Variants in KCNK2 observed in about 807,000 individuals in gnomAD.
The protein encoded by KCNK2 is potassium two pore domain channel subfamily K member 2.
In KCNK2, 21 loss-of-function variants were observed where a neutral mutation model predicts 40.5. The observed-to-expected ratio is 0.52, with a 90% CI of 0.37 to 0.75. The LOEUF (loss-of-function observed/expected upper bound fraction) is 0.75, where lower values mean the gene tolerates loss of function less well. KCNK2 is among the 30% of genes least tolerant of loss of function. The probability of loss-of-function intolerance (pLI) is 0.00; values close to 1 mark genes in which losing one functional copy is unlikely to be tolerated. For missense variants in KCNK2, 399 were observed against 531.6 expected (o/e 0.75, Z 2.45); for synonymous variants, 191 against 202.2 (o/e 0.94, Z 0.47).
At chr1:215,018,617 G>T (rs1194986963) in intron 1 of KCNK2, among the ~76,000 whole-genome samples, 1 of 152,148 alleles carries the variant, frequency 6.6e-6, no homozygotes, top group Admixed American at 6.5e-5. Flanking sequence ...GCCACAGATA[G>T]TATATGTGCA....
intron 3 of KCNK2, among the ~76,000 whole-genome samples, chr1:215,136,720 C>T (rs898618952): frequency 3.3e-5 from 5 of 152,116 alleles, no homozygotes; most frequent in African/African-American, 1.2e-4. Flanking sequence ...ACATTGAACA[C>T]CGGCTGATAA....
At chr1:215,042,685 T>C (rs964288248) in intron 1 of KCNK2, among the ~76,000 whole-genome samples, 1 of 152,190 alleles carries the variant, frequency 6.6e-6, no homozygotes, top group African/African-American at 2.4e-5. Context: ...AAACTTAGTG[T>C]CACCTTTTAC....
chr1:215,203,793 C>T (rs1665181395), intron 6 of KCNK2, among the ~76,000 whole-genome samples: 1 of 151,720 alleles, frequency 6.6e-6, no homozygotes, highest in African/African-American at 2.4e-5. Flanking sequence ...ACTAGTTTCT[C>T]TTTGGGAGGC....
intron 3 of KCNK2, among the ~76,000 whole-genome samples, chr1:215,125,330 T>A (rs955556747): frequency 6.6e-5 from 10 of 152,200 alleles, no homozygotes; most frequent in African/African-American, 2.2e-4. Flanking sequence ...TTTTACCTTT[T>A]AATCGCATTG....
intron 1 of KCNK2, among the ~76,000 whole-genome samples, chr1:215,074,170 T>C (rs755138258): frequency 1.3e-5 from 2 of 152,166 alleles, no homozygotes; most frequent in Non-Finnish European, 2.9e-5. Flanking sequence ...CACTTTCTTG[T>C]ATGTTTAAGG....
At chr1:215,042,965 T>G (rs999215464) in intron 1 of KCNK2, among the ~76,000 whole-genome samples, 3 of 152,326 alleles carry the variant, frequency 2.0e-5, no homozygotes, top group Non-Finnish European at 2.9e-5. Flanking sequence ...CTTATGACAT[T>G]GTATAAAAAA....
intron 3 of KCNK2, among the ~76,000 whole-genome samples, chr1:215,144,504 C>T (rs768223091): frequency 1.1e-4 from 17 of 152,088 alleles, no homozygotes; most frequent in South Asian, 2.1e-4. Flanking sequence ...AGGCACGGCT[C>T]GTTCCTTACA....
chr1:215,088,567 C>T (rs1335320948), intron 2 of KCNK2, among the ~76,000 whole-genome samples: 1 of 136,032 alleles, frequency 7.4e-6, no homozygotes, highest in South Asian at 2.3e-4. Flanking sequence ...CTTGGTTGGA[C>T]AGGACAGGAA....
At chr1:215,093,640 T>A (rs1659806561) in intron 2 of KCNK2, among the ~76,000 whole-genome samples, 1 of 97,766 alleles carries the variant, frequency 1.0e-5, no homozygotes, top group Non-Finnish European at 1.7e-5. Flanking sequence ...ATATATACAA[T>A]ATATAATATA....
chr1:215,073,184 A>G (rs1658815468), intron 1 of KCNK2, among the ~76,000 whole-genome samples: 1 of 152,154 alleles, frequency 6.6e-6, no homozygotes, highest in African/African-American at 2.4e-5. Context: ...AAAAGAAGCA[A>G]GGAAGGATTC....
intron 3 of KCNK2, among the ~76,000 whole-genome samples, chr1:215,148,394 G>GT (rs902824138): frequency 5.3e-5 from 8 of 151,118 alleles, no homozygotes; most frequent in African/African-American, 9.7e-5. Flanking sequence ...TTTTAAGGGT[G>GT]TTTTTTTTAA....
chr1:215,061,883 A>T (rs1463705211), intron 1 of KCNK2, among the ~76,000 whole-genome samples: 1 of 152,162 alleles, frequency 6.6e-6, no homozygotes, highest in African/African-American at 2.4e-5. Flanking sequence ...AAATTGTCTA[A>T]GGGTAGGAGG....
At chr1:215,059,950 C>T (rs1486437859) in intron 1 of KCNK2, among the ~76,000 whole-genome samples, 5 of 152,184 alleles carry the variant, frequency 3.3e-5, no homozygotes, top group Non-Finnish European at 5.9e-5. Flanking sequence ...GGTGCTGAGG[C>T]AATGTAGACA....
At chr1:215,233,475 C>CACACAT (rs397704941) in intron 6 of KCNK2, among the ~76,000 whole-genome samples, 1 of 142,040 alleles carries the variant, frequency 7.0e-6, no homozygotes, top group African/African-American at 3.0e-5. Context: ...CACACACACA[C>CACACAT]GTACACACAC....
intron 1 of KCNK2, among the ~76,000 whole-genome samples, chr1:215,067,879 C>T (rs1172184948): frequency 6.6e-6 from 1 of 151,906 alleles, no homozygotes; most frequent in Non-Finnish European, 1.5e-5. Flanking sequence ...AAAAAAATTA[C>T]TTTCATATTT....
chr1:215,066,590 C>G (rs1166111271), intron 1 of KCNK2, among the ~76,000 whole-genome samples: 2 of 152,186 alleles, frequency 1.3e-5, no homozygotes, highest in Non-Finnish European at 2.9e-5. Flanking sequence ...GACCAGCCTG[C>G]CTGGTAATTC....
chr1:215,211,148 A>T (rs1665727379), intron 6 of KCNK2, among the ~76,000 whole-genome samples: 1 of 152,120 alleles, frequency 6.6e-6, no homozygotes, highest in South Asian at 2.1e-4. Context: ...GAATGTCTGT[A>T]AAGCAGCATA....
chr1:215,231,396 C>T (rs1189834592), intron 6 of KCNK2, among the ~76,000 whole-genome samples: 1 of 151,896 alleles, frequency 6.6e-6, no homozygotes, highest in East Asian at 1.9e-4. Flanking sequence ...ACTGGTAATA[C>T]AGGTCTATGT....
At chr1:215,121,451 T>C (rs1310508548) in intron 2 of KCNK2, among the ~76,000 whole-genome samples, 1 of 152,130 alleles carries the variant, frequency 6.6e-6, no homozygotes, top group Non-Finnish European at 1.5e-5. Context: ...TTTTTTGTAT[T>C]TCTTGTAGAG....
Sources: allele counts gnomAD v4.1 joint callset (sites outside exome capture counted in the v4.1 genomes callset), GRCh38; gene constraint gnomAD v4.1.1; transcripts MANE v1.5; gene names NCBI Gene and HGNC (gene_info 2026-07-23, HGNC 2026-07-21).